The following ERBB4 variants were observed in gnomAD, a reference collection of about 807,000 sequenced individuals.
ERBB4 encodes the protein receptor tyrosine-protein kinase erbB-4.
ERBB4 carries 42 observed loss-of-function variants against 158.0 expected under a neutral mutation model. The observed-to-expected ratio is 0.27, with a 90% CI of 0.21 to 0.34. The LOEUF (loss-of-function observed/expected upper bound fraction) is 0.34. Ranked by LOEUF, ERBB4 falls within the 10% of genes least tolerant of loss-of-function variation. ERBB4 has a pLI of 1.00. For synonymous variants in ERBB4, 583 were observed against 558.7 expected (o/e 1.04, Z -0.61); for missense variants, 1,333 against 1,624.1 (o/e 0.82, Z 3.08).
chr2:211,649,749 T>C (rs925266308), intron 16 of ERBB4, among the ~76,000 whole-genome samples: 1 of 151,952 alleles, frequency 6.6e-6, no homozygotes, highest in African/African-American at 2.4e-5. Context: ...AAAACTTACA[T>C]GGCTACAAGC....
intron 12 of ERBB4, among the ~76,000 whole-genome samples, chr2:211,681,926 A>G (rs2072352425): frequency 6.6e-6 from 1 of 151,836 alleles, no homozygotes; most frequent in Admixed American, 6.6e-5. Context: ...TTCCTCTGGT[A>G]TTTTCTAAGT....
intron 4 of ERBB4, among the ~76,000 whole-genome samples, chr2:211,771,582 G>C (rs2075693265): frequency 6.6e-6 from 1 of 152,188 alleles, no homozygotes; most frequent in African/African-American, 2.4e-5. Flanking sequence ...TAAGTATACA[G>C]TTTAATAATT....
intron 5 of ERBB4, 51 bp from the exon 6 acceptor site, chr2:211,725,245 C>G (rs1267468983): frequency 7.2e-7 from 1 of 1,393,672 alleles, no homozygotes; most frequent in East Asian, 2.3e-5. Flanking sequence ...CCAGGAGAAA[C>G]TCATAAGCTG....
At chr2:212,419,710 T>G (rs2105901151) in intron 1 of ERBB4, among the ~76,000 whole-genome samples, 1 of 152,058 alleles carries the variant, frequency 6.6e-6, no homozygotes, top group African/African-American at 2.4e-5. Context: ...GAATGAAATG[T>G]ATTTCATTGG....
chr2:212,295,362 T>C (rs2086372283), intron 1 of ERBB4, among the ~76,000 whole-genome samples: 1 of 152,102 alleles, frequency 6.6e-6, no homozygotes, highest in African/African-American at 2.4e-5. Flanking sequence ...CACACAGCTA[T>C]AGTGGAATTT....
intron 2 of ERBB4, among the ~76,000 whole-genome samples, chr2:212,091,339 G>A (rs1265750452): frequency 6.6e-6 from 1 of 151,892 alleles, no homozygotes. Flanking sequence ...GCTTAAGTTC[G>A]ATTTTGAGCT....
Position 211,594,295 on chromosome 2 carries a change from C to T in ERBB4, c.2301+24882G>A, listed in dbSNP as rs189659979. Among the ~76,000 whole-genome samples, 173 of 151,978 alleles carry T rather than the reference C, an allele frequency of 1.1e-3. 2 individuals are homozygous for T. The highest frequency in any genetic ancestry group is 0.01 in the Admixed American group (160 of 15,254). ...CTACTAAAATACAAAAGAAATTAGC[C>T]GGGCGTGGAAGCGTGCACCTGTAGT... On this transcript the variant is annotated intron_variant, in intron 19 of 27. Coordinates refer to ENST00000342788, the MANE Select transcript of ERBB4 (RefSeq NM_005235.3).
At chr2:211,494,410 A>T (rs1428938716) in intron 20 of ERBB4, among the ~76,000 whole-genome samples, 2 of 152,070 alleles carry the variant, frequency 1.3e-5, no homozygotes, top group Non-Finnish European at 2.9e-5. Flanking sequence ...AAAAAATGCC[A>T]CAGCAGTAAA....
chr2:212,461,694 T>C (rs759925967), intron 1 of ERBB4, among the ~76,000 whole-genome samples: 6 of 152,088 alleles, frequency 3.9e-5, no homozygotes, highest in Non-Finnish European at 7.4e-5. Flanking sequence ...GGATGTGAGA[T>C]TGGGGAGGGG....
chr2:211,509,509 G>T (rs554333695), intron 20 of ERBB4, among the ~76,000 whole-genome samples: 5 of 151,870 alleles, frequency 3.3e-5, no homozygotes, highest in Admixed American at 6.6e-5. Context: ...AAAAAATCTA[G>T]GAAATACCAT....
At chr2:212,168,348 C>T (rs2081412542) in intron 1 of ERBB4, among the ~76,000 whole-genome samples, 1 of 152,028 alleles carries the variant, frequency 6.6e-6, no homozygotes, top group Non-Finnish European at 1.5e-5. Context: ...AAATGAATGC[C>T]AATTTGTTTT....
intron 20 of ERBB4, among the ~76,000 whole-genome samples, chr2:211,552,876 C>A (rs147231102): frequency 2.2e-3 from 339 of 152,206 alleles, no homozygotes; most frequent in African/African-American, 7.8e-3. Context: ...TTTCTTTGCT[C>A]CTCTTCAGTA....
rs61173393 is a variant in ERBB4 at position 212,291,751 on chromosome 2, T to C, written c.83-166848A>G. ...TTTATAACCATATACTAATTTAAAT[T>C]GAATACTTAGCCAGAGAAATCAAAT... is the stretch of plus-strand genomic sequence containing the variant. On this transcript the variant is annotated intron_variant, in intron 1 of 27. Transcript: ENST00000342788. Among the ~76,000 whole-genome samples, 1,455 of 152,194 alleles carry C rather than the reference T, an allele frequency of 9.6e-3. 19 individuals carry two copies. Among genetic ancestry groups the C allele is most frequent in the African/African-American group, 0.033 (1,387 of 41,562 alleles).
intron 3 of ERBB4, among the ~76,000 whole-genome samples, chr2:211,811,737 C>T (rs946447998): frequency 6.6e-6 from 1 of 151,242 alleles, no homozygotes; most frequent in East Asian, 1.9e-4. Flanking sequence ...TTTTTCTAAA[C>T]TTCTCTTCTC....
chr2:212,538,072 G>A (rs1428336274), intron 1 of ERBB4, among the ~76,000 whole-genome samples: 1 of 152,166 alleles, frequency 6.6e-6, no homozygotes, highest in Non-Finnish European at 1.5e-5. Flanking sequence ...CGGCGGTGCG[G>A]GTTCTGCCCT....
chr2:212,105,364 C>T (rs939151797), intron 2 of ERBB4, among the ~76,000 whole-genome samples: 11 of 152,240 alleles, frequency 7.2e-5, no homozygotes, highest in African/African-American at 2.6e-4. Flanking sequence ...TGTGTAAAAA[C>T]TTTTCCTTAT....
At chr2:212,288,539 C>T (rs1206600594) in intron 1 of ERBB4, among the ~76,000 whole-genome samples, 1 of 152,044 alleles carries the variant, frequency 6.6e-6, no homozygotes, top group Non-Finnish European at 1.5e-5. Context: ...AGGAGCCTGG[C>T]CTCTCCTGTT....
intron 5 of ERBB4, among the ~76,000 whole-genome samples, chr2:211,728,172 TTC>T (rs1381482042): frequency 2.0e-5 from 3 of 151,916 alleles, no homozygotes; most frequent in Non-Finnish European, 3.0e-5. Flanking sequence ...ATCTTCTTTT[TTC>T]TCTCTCTTTC....
At chr2:212,187,838 G>T (rs561900949) in intron 1 of ERBB4, among the ~76,000 whole-genome samples, 1 of 152,140 alleles carries the variant, frequency 6.6e-6, no homozygotes, top group East Asian at 1.9e-4. Flanking sequence ...TGAAATATTA[G>T]AAGTGATGTT....
Sources: allele counts gnomAD v4.1 joint callset (sites outside exome capture counted in the v4.1 genomes callset), GRCh38; gene constraint gnomAD v4.1.1; transcripts MANE v1.5; gene names NCBI Gene and HGNC (gene_info 2026-07-23, HGNC 2026-07-21).